DTYMK: variants seen among roughly 807,000 people sequenced by gnomAD.
DTYMK encodes the protein deoxythymidylate kinase.
Under a neutral mutation model 20.3 loss-of-function variants are expected in DTYMK, and 20 were observed. The observed-to-expected ratio is 0.99, with a 90% confidence interval of 0.69 to 1.43. The LOEUF is 1.43. DTYMK is among the 40% of genes most tolerant of loss of function. The pLI is 0.00. For synonymous variants in DTYMK, 148 were observed against 124.4 expected (o/e 1.19, Z -1.27); for missense variants, 320 against 291.1 (o/e 1.10, Z -0.72).
At chr2:241,682,111 G>A (rs35949169) in intron 2 of DTYMK, 2 of 368,182 alleles carry the variant, frequency 5.4e-6, no homozygotes, top group African/African-American at 4.3e-5. Context: ...AACCAAGGCA[G>A]GAGGACTGCT....
At chr2:241,682,134 T>G in intron 2 of DTYMK, 1 of 393,518 alleles carries the variant, frequency 2.5e-6, no homozygotes. Flanking sequence ...GGTCCAGGAG[T>G]TCAAGACCAG....
chr2:241,681,435 A>G (rs2069254340), intron 2 of DTYMK, among the ~76,000 whole-genome samples: 1 of 152,218 alleles, frequency 6.6e-6, no homozygotes, highest in South Asian at 2.1e-4. Flanking sequence ...CACGCCTGTA[A>G]TCCCAGCTTT....
Position 241,686,737 on chromosome 2 carries a change from C to T in DTYMK, c.47G>A (p.Arg16His), listed in dbSNP as rs2069425958. The change falls in exon 1 of 5, where the codon CGC becomes CAC. Residue 16 changes from arginine (R) to histidine (H), a missense_variant. Coordinates refer to ENST00000305784, the MANE Select transcript of DTYMK (RefSeq NM_012145.4). ...GCGGCTCTGCGTGCTCTTCCCGGCG[C>T]GGTCCACGCCCTCCAGCACTATGAG... ...GALIVLEGVD[R>H]AGKSTQSRKL... The T allele has an allele frequency of 6.5e-7, 1 of 1,545,232 alleles. No homozygotes were observed. Among genetic ancestry groups the T allele is most frequent in the Non-Finnish European group, 8.6e-7 (1 of 1,159,284 alleles).
At chr2:241,683,265 A>T (rs572690279) in intron 2 of DTYMK, among the ~76,000 whole-genome samples, 1 of 152,266 alleles carries the variant, frequency 6.6e-6, no homozygotes, top group East Asian at 1.9e-4. Flanking sequence ...ACAACACCAA[A>T]TGCTGGTGAG....
rs1575105304 is a variant in DTYMK at position 241,680,410 on chromosome 2, C to T, written c.240-91G>A. ...TATCCCAACAGGCTGTGCGCAGTGG[C>T]TCACCCCTATAATCCCAGCGCTTTG... is the stretch of plus-strand genomic sequence containing the variant. On this transcript the variant is annotated intron_variant, in intron 2 of 4. Transcript: ENST00000305784. 3.6e-6 allele frequency: 5 copies of T among 1,400,138 alleles called. No individual in the cohort carries two copies. In the East Asian group the frequency reaches 7.2e-5, roughly 20 times the overall value. 86.7% of individuals were successfully genotyped at this position (1,400,138 alleles called of 1,614,324 possible).
intron 1 of DTYMK, 102 bp downstream of exon 1, chr2:241,686,552 A>G: frequency 7.4e-7 from 1 of 1,357,232 alleles, no homozygotes; most frequent in Non-Finnish European, 9.4e-7. Context: ...AAAACCGCAC[A>G]GTTCACAGCA....
intron 3 of DTYMK, among the ~76,000 whole-genome samples, chr2:241,679,971 C>CCAAAA (rs1553575077): frequency 2.0e-5 from 2 of 101,990 alleles, no homozygotes. Flanking sequence ...ACTGTCTCCC[C>CCAAAA]AAAAAAAAAA....
Position 241,676,061 on chromosome 2 carries a change from C to A in DTYMK, c.*66G>T. 1 of 1,464,948 alleles carries A rather than the reference C, an allele frequency of 6.8e-7. No individual in the cohort carries two copies. Among genetic ancestry groups the A allele is most frequent in the Non-Finnish European group, 9.2e-7 (1 of 1,081,664 alleles). 90.7% of individuals were successfully genotyped at this position (1,464,948 alleles called of 1,614,324 possible). A position where few individuals can be genotyped will look rare whatever the true frequency, so the allele number is the denominator to read the frequency against. Reference sequence around the variant, plus strand: ...GGTCTGGACTCTGCTGGGGACGGGGCCTTCCGCGAGTCTCCCACCTCTCGG... The same window carrying A: ...GGTCTGGACTCTGCTGGGGACGGGGACTTCCGCGAGTCTCCCACCTCTCGG... On this transcript the variant is annotated 3_prime_UTR_variant, in exon 5 of 5. Coordinates refer to ENST00000305784, the MANE Select transcript of DTYMK (RefSeq NM_012145.4).
At chr2:241,683,756 C>CA (rs1349164972) in intron 2 of DTYMK, among the ~76,000 whole-genome samples, 10 of 151,870 alleles carry the variant, frequency 6.6e-5, no homozygotes, top group African/African-American at 2.4e-4. Context: ...TTAATTAGGG[C>CA]AAAAAAGACA....
chr2:241,678,037 A>C (rs2069155832), intron 4 of DTYMK, among the ~76,000 whole-genome samples: 1 of 152,070 alleles, frequency 6.6e-6, no homozygotes, highest in Non-Finnish European at 1.5e-5. Flanking sequence ...GCACTTTGGG[A>C]GGCCGAGGTG....
chr2:241,685,645 A>G, intron 2 of DTYMK, 124 bp downstream of exon 2: 2 of 1,063,774 alleles, frequency 1.9e-6, no homozygotes, highest in South Asian at 3.0e-5. Flanking sequence ...CAGGACTGCT[A>G]AACAGAAGAA....
intron 4 of DTYMK, among the ~76,000 whole-genome samples, chr2:241,677,147 A>C (rs959471040): frequency 1.3e-5 from 2 of 152,198 alleles, no homozygotes; most frequent in Non-Finnish European, 2.9e-5. Flanking sequence ...ACCCTTCTCA[A>C]GCTTCTGGGA....
At chr2:241,677,339 T>C (rs1204507384) in intron 4 of DTYMK, among the ~76,000 whole-genome samples, 1 of 152,156 alleles carries the variant, frequency 6.6e-6, no homozygotes, top group East Asian at 1.9e-4. Flanking sequence ...AAGATGAGCC[T>C]CTCCGGGCGG....
chr2:241,676,283 T>C, intron 4 of DTYMK, 46 bp from the exon 5 acceptor site: 1 of 1,558,830 alleles, frequency 6.4e-7, no homozygotes, highest in Non-Finnish European at 8.7e-7. Flanking sequence ...CATCAGCACG[T>C]TCCAGGCTGG....
chr2:241,686,568 G>A (rs2124837712), intron 1 of DTYMK, 86 bp downstream of exon 1: 2 of 1,391,658 alleles, frequency 1.4e-6, no homozygotes, highest in East Asian at 3.0e-5. Flanking sequence ...CAGCACGCCA[G>A]CCGCAGACAA....
chr2:241,680,935 G>T (rs1327751072), intron 2 of DTYMK, among the ~76,000 whole-genome samples: 1 of 152,158 alleles, frequency 6.6e-6, no homozygotes, highest in Non-Finnish European at 1.5e-5. Context: ...TGGTCAGAGA[G>T]GCCAGCTCTA....
Position 241,686,714 on chromosome 2 carries a change from G to C in DTYMK, c.70C>G (p.Arg24Gly), listed in dbSNP as rs745912790. Residue 24 changes from arginine to glycine, a missense_variant, in exon 1 of 5, where the codon CGC (arginine) becomes GGC (glycine). By Grantham distance (125) the Arg-to-Gly change is moderately radical. Coordinates refer to ENST00000305784, the MANE Select transcript of DTYMK (RefSeq NM_012145.4). ...GCGCACAGCGCTTCCACCAGCTTGC[G>C]GCTCTGCGTGCTCTTCCCGGCGCGG... is the stretch of plus-strand genomic sequence containing the variant. ...VDRAGKSTQS[R>G]KLVEALCAAG... The C allele has an allele frequency of 4.3e-5, 67 of 1,543,900 alleles. No individual in the cohort carries two copies. In the South Asian group the frequency reaches 7.3e-4, roughly 17 times the overall value.
intron 3 of DTYMK, among the ~76,000 whole-genome samples, chr2:241,679,178 T>C (rs542832233): frequency 1.2e-3 from 181 of 152,206 alleles, no homozygotes; most frequent in Non-Finnish European, 2.2e-3. Flanking sequence ...TTGCCAGGGC[T>C]GTGCCAGCAC....
At chr2:241,682,442 C>G (rs1349141733) in intron 2 of DTYMK, 1 of 291,746 alleles carries the variant, frequency 3.4e-6, no homozygotes, top group Non-Finnish European at 6.8e-6. Context: ...TTATCTAAAG[C>G]ATACAAAGAA....
Sources: allele counts gnomAD v4.1 joint callset (sites outside exome capture counted in the v4.1 genomes callset), GRCh38; gene constraint gnomAD v4.1.1; transcripts MANE v1.5; gene names NCBI Gene and HGNC (gene_info 2026-07-23, HGNC 2026-07-21).